BMP5: variants seen among roughly 807,000 people sequenced by gnomAD.
BMP5 encodes bone morphogenetic protein 5.
A neutral mutation model predicts 46.6 loss-of-function variants in BMP5; 23 were observed. The ratio of observed to expected loss-of-function variants is 0.49; its 90% CI spans 0.35 to 0.70. The LOEUF (loss-of-function observed/expected upper bound fraction) is 0.70, where lower values mean the gene tolerates loss of function less well. BMP5 is among the 30% of genes least tolerant of loss of function. The pLI is 0.00. For missense variants in BMP5, 545 were observed against 565.6 expected, an observed-to-expected ratio of 0.96 and a Z score of 0.37; for synonymous variants, 204 against 191.9, an observed-to-expected ratio of 1.06 and a Z score of -0.52.
rs140945574 is a variant in BMP5 at position 55,817,606 on chromosome 6, G to A, written c.683+2049C>T. The stretch of plus-strand genomic sequence containing the variant: ...CACACACTGGGGACTGTTGTGGGGT[G>A]GGAGGAGGGGGGAGGGATAGCATTA... On this transcript the variant is annotated intron_variant, in intron 2 of 6. Transcript: ENST00000370830. Among the ~76,000 whole-genome samples, 726 of 152,148 alleles carry A rather than the reference G, an allele frequency of 4.8e-3. 13 individuals carry two copies. Among genetic ancestry groups the A allele is most frequent in the African/African-American group, 0.017 (686 of 41,506 alleles).
chr6:55,813,068 A>C (rs1010631329), intron 2 of BMP5, among the ~76,000 whole-genome samples: 1 of 152,172 alleles, frequency 6.6e-6, no homozygotes. Context: ...TTCATTTCCT[A>C]TGAGAAAAAA....
At position 55,754,015 on chromosome 6, in the gene BMP5, A is replaced by G. The variant is rs1368830440; in HGVS notation, c.*1518T>C. ...TAGTTACTGTCAAATTTTCTTTAAG[A>G]TAAACTGTATTTCAAAACAACATTT... is the stretch of plus-strand genomic sequence containing the variant. On this transcript the variant is annotated 3_prime_UTR_variant, in exon 7 of 7. Transcript: ENST00000370830. The G allele has an allele frequency of 6.6e-6, 1 of 151,962 alleles. No homozygotes were observed. The highest frequency in any genetic ancestry group is 1.5e-5 in the Non-Finnish European group (1 of 67,928). The allele number at this position is 151,962 out of a possible 1,614,324, so 9.4% of individuals were successfully genotyped here.
intron 2 of BMP5, among the ~76,000 whole-genome samples, chr6:55,797,458 T>G (rs1456424928): frequency 6.6e-6 from 1 of 152,070 alleles, no homozygotes; most frequent in Non-Finnish European, 1.5e-5. Flanking sequence ...AGAAAAAACA[T>G]ATTTATTTGT....
chr6:55,776,751 C>T (rs939299783), intron 3 of BMP5, among the ~76,000 whole-genome samples: 7 of 151,954 alleles, frequency 4.6e-5, no homozygotes, highest in Non-Finnish European at 8.8e-5. Flanking sequence ...TTACAACACA[C>T]ACTGACTCTT....
At chr6:55,761,509 C>A (rs1485584451) in intron 4 of BMP5, among the ~76,000 whole-genome samples, 1 of 152,024 alleles carries the variant, frequency 6.6e-6, no homozygotes, top group Non-Finnish European at 1.5e-5. Context: ...CTCACTTCTT[C>A]TCCTTCACCT....
rs569619158 is a variant in BMP5, at chr6:55,843,020, T to A, written c.491-23173A>T. 6.6e-5 allele frequency among the ~76,000 whole-genome samples: 10 copies of A among 152,216 alleles called. No individual in the cohort carries two copies. The South Asian group carries it at 2.1e-3, about 32-fold the overall frequency. Reference sequence around the variant, plus strand: ...TACACCAGATGCAGCCTCCTAAGAATAAACATCACTAAATCTCCCTATAAT... The same window carrying A: ...TACACCAGATGCAGCCTCCTAAGAAAAAACATCACTAAATCTCCCTATAAT... On this transcript the variant is annotated intron_variant, in intron 1 of 6. Transcript: ENST00000370830.
intron 1 of BMP5, among the ~76,000 whole-genome samples, chr6:55,838,903 G>C (rs1776887103): frequency 6.6e-6 from 1 of 152,050 alleles, no homozygotes; most frequent in Non-Finnish European, 1.5e-5. Context: ...TTTTTTAACA[G>C]AGCTCTTTCT....
At position 55,828,562 on chromosome 6, in the gene BMP5, G is replaced by T. The variant is rs557735325; in HGVS notation, c.491-8715C>A. Among the ~76,000 whole-genome samples, 25 of 151,756 alleles carry T rather than the reference G, an allele frequency of 1.6e-4. 1 individual carries two copies. Among genetic ancestry groups the T allele is most frequent in the Middle Eastern group, 3.4e-3 (1 of 294 alleles). On this transcript the variant is annotated intron_variant, in intron 1 of 6. Transcript: ENST00000370830. ...CTAAGTATATCAATAGTTGGAGTTT[G>T]CATATTTTATTTACATAATAAAGAA...
chr6:55,835,401 T>A (rs1776769179), intron 1 of BMP5, among the ~76,000 whole-genome samples: 1 of 152,180 alleles, frequency 6.6e-6, no homozygotes, highest in Non-Finnish European at 1.5e-5. Context: ...AATGCACATG[T>A]ACAGGAACAC....
Position 55,792,988 on chromosome 6 carries a change from C to T in BMP5, c.832+1291G>A, listed in dbSNP as rs186231142. On this transcript the variant is annotated intron_variant, in intron 3 of 6. Coordinates refer to ENST00000370830, the MANE Select transcript of BMP5 (RefSeq NM_021073.4). Reference sequence around the variant, plus strand: ...ACATTTTTAGGGTAGAGAATAACAGCACAATGTAGATCTCCATGATGTTTT... The same window carrying T: ...ACATTTTTAGGGTAGAGAATAACAGTACAATGTAGATCTCCATGATGTTTT... 1.7e-3 allele frequency among the ~76,000 whole-genome samples: 252 copies of T among 152,182 alleles called. 1 individual carries two copies. The highest frequency in any genetic ancestry group is 4.0e-4 in the Non-Finnish European group (27 of 67,984).
chr6:55,850,629 C>A (rs1777216145), intron 1 of BMP5, among the ~76,000 whole-genome samples: 1 of 152,140 alleles, frequency 6.6e-6, no homozygotes, highest in Admixed American at 6.6e-5. Context: ...CACAGTAATC[C>A]TTTCCTCTTC....
In BMP5 at chr6:55,787,130, T is replaced by A. The variant is rs1252727268; in HGVS notation, c.832+7149A>T. On this transcript the variant is annotated intron_variant, in intron 3 of 6. Coordinates refer to ENST00000370830, the MANE Select transcript of BMP5 (RefSeq NM_021073.4). ...TCAGATTACCCAGCCATATAGATCATCTAACCCTTGACACAGATAAATTAA... is the reference window on the plus strand; with the variant it reads ...TCAGATTACCCAGCCATATAGATCAACTAACCCTTGACACAGATAAATTAA... 3.3e-5 allele frequency among the ~76,000 whole-genome samples: 5 copies of A among 151,736 alleles called. No individual in the cohort carries two copies. In the East Asian group the frequency reaches 9.7e-4, roughly 29 times the overall value.
At position 55,836,680 on chromosome 6, in the gene BMP5, G is replaced by A. The variant is rs1272293624; in HGVS notation, c.491-16833C>T. 2.0e-5 allele frequency among the ~76,000 whole-genome samples: 3 copies of A among 150,870 alleles called. No homozygotes were observed. The East Asian group carries it at 5.9e-4, about 29-fold the overall frequency. On this transcript the variant is annotated intron_variant, in intron 1 of 6. Transcript: ENST00000370830. ...CACACACACGTAGGCATTACTGGAAGACCTCCCAGGTTATCTTGTTTACCC... is the reference window on the plus strand; with the variant it reads ...CACACACACGTAGGCATTACTGGAAAACCTCCCAGGTTATCTTGTTTACCC...
intron 3 of BMP5, among the ~76,000 whole-genome samples, chr6:55,788,693 T>C (rs1459273543): frequency 1.3e-5 from 2 of 151,908 alleles, no homozygotes; most frequent in Admixed American, 1.3e-4. Flanking sequence ...GTGAGGTAAT[T>C]ACTATCACAC....
chr6:55,853,152 TAAAATAAAATAAAATAAA>T (rs1196822715), intron 1 of BMP5, among the ~76,000 whole-genome samples: 1 of 21,010 alleles, frequency 4.8e-5, no homozygotes, highest in East Asian at 8.1e-4. Flanking sequence ...TAAAATAAAA[TAAAATAAAATAAAATAAA>T]ATAAAATAAA....
chr6:55,841,902 CAG>C (rs1274692640), intron 1 of BMP5, among the ~76,000 whole-genome samples: 1 of 131,448 alleles, frequency 7.6e-6, no homozygotes, highest in Admixed American at 7.6e-5. Context: ...CAGCCCATAA[CAG>C]AGAGAGAGAG....
intron 3 of BMP5, among the ~76,000 whole-genome samples, chr6:55,793,305 G>A (rs924975280): frequency 5.8e-4 from 88 of 152,102 alleles, no homozygotes; most frequent in African/African-American, 2.0e-3. Context: ...TCACATCTTC[G>A]TGTTTCAGAT....
intron 1 of BMP5, 127 bp downstream of exon 1, chr6:55,874,249 A>C (rs1777848221): frequency 1.7e-6 from 2 of 1,179,748 alleles, no homozygotes; most frequent in East Asian, 5.0e-5. Flanking sequence ...AGAAAACAGA[A>C]GCTAAACAGG....
At position 55,837,353 on chromosome 6, in the gene BMP5, A is replaced by AGAT. The variant is rs1436455906; in HGVS notation, c.491-17509_491-17507dup. 4.7e-5 allele frequency among the ~76,000 whole-genome samples: 7 copies of AGAT among 149,164 alleles called. No individual in the cohort carries two copies. In the East Asian group the frequency reaches 7.8e-4, roughly 17 times the overall value. Reference sequence around the variant, plus strand: ...AACTAATTTAGATAGATAGATAGATAGATAGATAGATAGATAGATAGATAG... The same window carrying AGAT: ...AACTAATTTAGATAGATAGATAGATAGATGATAGATAGATAGATAGATAGATAG... On this transcript the variant is annotated intron_variant, in intron 1 of 6. Coordinates refer to ENST00000370830, the MANE Select transcript of BMP5 (RefSeq NM_021073.4).
Sources: gnomAD v4.1 joint callset for allele counts (sites outside exome capture counted in the v4.1 genomes callset) on GRCh38, gnomAD v4.1.1 for gene constraint, MANE v1.5 for transcripts, NCBI Gene and HGNC (gene_info 2026-07-23, HGNC 2026-07-21) for gene names.